The following SLC43A1 variants were observed in gnomAD, a reference collection of about 807,000 sequenced individuals.
The protein encoded by SLC43A1 is solute carrier family 43 member 1.
In SLC43A1, 31 loss-of-function variants were observed where a neutral mutation model predicts 59.5. That is an observed-to-expected ratio of 0.52 (90% CI 0.39 to 0.70). The LOEUF (loss-of-function observed/expected upper bound fraction) is 0.70. Ranked by LOEUF, SLC43A1 falls within the 30% of genes least tolerant of loss-of-function variation. The probability of loss-of-function intolerance (pLI) is 0.00; values close to 1 mark genes in which losing one functional copy is unlikely to be tolerated. For synonymous variants in SLC43A1, 259 were observed against 290.9 expected (o/e 0.89, Z 1.12); for missense variants, 598 against 717.8 (o/e 0.83, Z 1.91).
At chr11:57,513,065 C>T (rs908058617) in intron 2 of SLC43A1, among the ~76,000 whole-genome samples, 13 of 152,156 alleles carry the variant, frequency 8.5e-5, no homozygotes, top group African/African-American at 2.7e-4. Context: ...CCCACGGAAT[C>T]GATATTATTA....
At chr11:57,513,458 T>C (rs140537780) in intron 2 of SLC43A1, among the ~76,000 whole-genome samples, 165 of 152,326 alleles carry the variant, frequency 1.1e-3, no homozygotes, top group African/African-American at 3.8e-3. Flanking sequence ...CACAAGGTGA[T>C]TGAAGTGGAA....
chr11:57,490,308 A>AT (rs772845158), intron 11 of SLC43A1, among the ~76,000 whole-genome samples: 6 of 150,704 alleles, frequency 4.0e-5, no homozygotes, highest in African/African-American at 1.5e-4. Flanking sequence ...GACTGTCTCA[A>AT]TAAAAAAAAA....
Position 57,485,079 on chromosome 11 carries a change from C to T in SLC43A1, c.*17G>A. On this transcript the variant is annotated 3_prime_UTR_variant, in exon 15 of 15. Transcript: ENST00000278426. The stretch of plus-strand genomic sequence containing the variant: ...GGCCTTGATTGCCTGTCATCCAGGT[C>T]CCTTGGTCTGAGAAGTCTATGCGGT... 1 of 1,602,170 alleles carries T rather than the reference C, an allele frequency of 6.2e-7. No individual in the cohort carries two copies. The highest frequency in any genetic ancestry group is 1.3e-5 in the African/African-American group (1 of 74,510).
intron 8 of SLC43A1, 21 bp from the exon 9 acceptor site, chr11:57,491,883 G>A (rs1565126856): frequency 1.1e-5 from 18 of 1,611,252 alleles, no homozygotes; most frequent in African/African-American, 1.3e-5. Context: ...AGCAGGGGGC[G>A]CCCCTGAGCC....
Position 57,501,043 on chromosome 11 carries a change from A to C in SLC43A1, c.333T>G (p.Ser111Arg). The C allele has an allele frequency of 6.2e-7, 1 of 1,604,338 alleles. No individual in the cohort carries two copies. The highest frequency in any genetic ancestry group is 1.1e-5 in the South Asian group (1 of 89,668). Residue 111 changes from serine (S) to arginine (R), a missense_variant and splice_region_variant, in exon 4 of 15, where the codon AGT becomes AGG. Coordinates refer to ENST00000278426, the MANE Select transcript of SLC43A1 (RefSeq NM_003627.6). ...FGPRPVRLVGSACFTASCTLM... is the reference protein window; with the variant it reads ...FGPRPVRLVGRACFTASCTLM... Reference sequence around the variant, plus strand: ...GGGTGCAGGACGCAGTGAAGCAGGCACTGTGGAGACACAGGGAAGGGCGAG... The same window carrying C: ...GGGTGCAGGACGCAGTGAAGCAGGCCCTGTGGAGACACAGGGAAGGGCGAG...
chr11:57,490,916 C>G (rs1419886187), intron 11 of SLC43A1, among the ~76,000 whole-genome samples: 1 of 152,204 alleles, frequency 6.6e-6, no homozygotes, highest in East Asian at 1.9e-4. Context: ...CCTAACTGTG[C>G]AACCCTGTAC....
intron 2 of SLC43A1, among the ~76,000 whole-genome samples, chr11:57,507,082 C>T (rs1944410943): frequency 6.6e-6 from 1 of 152,082 alleles, no homozygotes; most frequent in South Asian, 2.1e-4. Flanking sequence ...AATCTCAGCA[C>T]TTTGGGAGGC....
rs572191786 is a variant in SLC43A1 at position 57,493,594 on chromosome 11, C to T, written c.871+399G>A. On this transcript the variant is annotated intron_variant, in intron 8 of 14. Transcript: ENST00000278426. ...GAAGCAGCCCAGGCAGGTGCTGCAGCTCCTCCTGTGACCAGCAGGGGGCAA... is the reference window on the plus strand; with the variant it reads ...GAAGCAGCCCAGGCAGGTGCTGCAGTTCCTCCTGTGACCAGCAGGGGGCAA... 9.2e-5 allele frequency among the ~76,000 whole-genome samples: 14 copies of T among 152,290 alleles called. No homozygotes were observed. The East Asian group carries it at 2.7e-3, about 29-fold the overall frequency.
At chr11:57,505,665 C>T (rs1389106365) in intron 2 of SLC43A1, among the ~76,000 whole-genome samples, 2 of 151,952 alleles carry the variant, frequency 1.3e-5, no homozygotes, top group East Asian at 3.9e-4. Flanking sequence ...TAGAATGAAG[C>T]TATTTTTTTT....
At chr11:57,513,920 C>CCCAA in intron 2 of SLC43A1, 38 bp downstream of exon 2, 2 of 1,301,934 alleles carry the variant, frequency 1.5e-6, no homozygotes. Context: ...CCTTTGCCAT[C>CCCAA]CCTCCCCCCA....
At chr11:57,487,620 C>T (rs924279809) in intron 13 of SLC43A1, among the ~76,000 whole-genome samples, 1 of 151,960 alleles carries the variant, frequency 6.6e-6, no homozygotes, top group Admixed American at 6.6e-5. Context: ...TTCCTGCCAT[C>T]GAGGAGGTGG....
intron 2 of SLC43A1, among the ~76,000 whole-genome samples, chr11:57,511,526 C>A (rs952361718): frequency 9.9e-5 from 15 of 152,250 alleles, no homozygotes; most frequent in African/African-American, 3.6e-4. Flanking sequence ...ACTGCACATT[C>A]AAACTCCTGG....
At chr11:57,491,974 G>C (rs1055313688) in intron 8 of SLC43A1, 112 bp from the exon 9 acceptor site, 22 of 1,039,916 alleles carry the variant, frequency 2.1e-5, no homozygotes, top group African/African-American at 3.2e-5. Context: ...ACTTTGGAGA[G>C]AGACTGGTTT....
chr11:57,504,882 T>C (rs1041395353), intron 2 of SLC43A1, among the ~76,000 whole-genome samples: 1 of 152,242 alleles, frequency 6.6e-6, no homozygotes, highest in Non-Finnish European at 1.5e-5. Context: ...AACGAGTTCA[T>C]TCATAAGGAA....
intron 12 of SLC43A1, 25 bp downstream of exon 12, chr11:57,489,226 A>T: frequency 6.2e-7 from 1 of 1,613,758 alleles, no homozygotes; most frequent in South Asian, 1.1e-5. Context: ...GGAGGCAGGG[A>T]GAGGGGAAGG....
At chr11:57,503,515 G>A (rs1243608042) in intron 2 of SLC43A1, among the ~76,000 whole-genome samples, 1 of 152,010 alleles carries the variant, frequency 6.6e-6, no homozygotes, top group Admixed American at 6.6e-5. Flanking sequence ...GTAGAGATGA[G>A]GTTTCAACTG....
At position 57,507,706 on chromosome 11, in the gene SLC43A1, G is replaced by T. The variant is rs567423117; in HGVS notation, c.154+6252C>A. 3.9e-5 allele frequency among the ~76,000 whole-genome samples: 6 copies of T among 152,210 alleles called. No homozygotes were observed. In the South Asian group the frequency reaches 1.2e-3, roughly 32 times the overall value. On this transcript the variant is annotated intron_variant, in intron 2 of 14. Transcript: ENST00000278426. ...CATTTGTTGAGCTCTTCATATTTTT[G>T]TTAAATGACATCATTTGATCCTTAA...
intron 2 of SLC43A1, among the ~76,000 whole-genome samples, chr11:57,504,105 G>A (rs1049380849): frequency 2.6e-5 from 4 of 152,186 alleles, no homozygotes; most frequent in African/African-American, 9.7e-5. Flanking sequence ...GCTGAGGCAG[G>A]AGAATGGCGT....
chr11:57,503,758 A>G (rs1429159387), intron 2 of SLC43A1, among the ~76,000 whole-genome samples: 1 of 152,218 alleles, frequency 6.6e-6, no homozygotes, highest in Admixed American at 6.5e-5. Flanking sequence ...GAGGCTGCAC[A>G]CCGGTGACCA....
Sources: allele counts gnomAD v4.1 joint callset (sites outside exome capture counted in the v4.1 genomes callset), GRCh38; gene constraint gnomAD v4.1.1; transcripts MANE v1.5; gene names NCBI Gene and HGNC (gene_info 2026-07-23, HGNC 2026-07-21).